DENND5A: variants seen among roughly 807,000 people sequenced by gnomAD.
DENND5A encodes the protein DENN domain-containing protein 5A.
DENND5A carries 64 observed loss-of-function variants against 140.3 expected under a neutral mutation model. That is an observed-to-expected ratio of 0.46 (90% CI 0.37 to 0.56). The LOEUF (loss-of-function observed/expected upper bound fraction) is 0.56, where lower values mean the gene tolerates loss of function less well. Ranked by LOEUF, DENND5A falls within the 20% of genes least tolerant of loss-of-function variation. The probability of loss-of-function intolerance (pLI) is 0.00; values close to 1 mark genes in which losing one functional copy is unlikely to be tolerated. For missense variants in DENND5A, 1,292 were observed against 1,593.8 expected, an observed-to-expected ratio of 0.81 and a Z score of 3.22; for synonymous variants, 605 against 607.7, an observed-to-expected ratio of 1.00 and a Z score of 0.07.
intron 1 of DENND5A, 114 bp downstream of exon 1, chr11:9,264,847 C>G: frequency 4.1e-6 from 4 of 964,036 alleles, no homozygotes; most frequent in Non-Finnish European, 6.1e-6. Flanking sequence ...CCCTGGTCCT[C>G]CCGGCCGACA....
chr11:9,170,789 TACACACACACACACACAC>T lies in DENND5A; in HGVS notation c.1907-30_1907-13del. The T allele has an allele frequency of 2.5e-6, 4 of 1,581,920 alleles. No homozygotes were observed. In the South Asian group the frequency reaches 3.3e-5, roughly 13 times the overall value. ...CTCAATTGCTTTCTCTGGATGAGAA[TACACACACACACACACAC>T]ACACACACACATAAATACACACACA... On this transcript the variant is annotated splice_polypyrimidine_tract_variant and intron_variant, in intron 8 of 22. Coordinates refer to ENST00000328194, the MANE Select transcript of DENND5A (RefSeq NM_015213.4).
chr11:9,233,297 G>T (rs546903399), intron 1 of DENND5A, among the ~76,000 whole-genome samples: 1 of 151,770 alleles, frequency 6.6e-6, no homozygotes. Flanking sequence ...TACTCAGGAG[G>T]CTGAGGCAGG....
Position 9,139,615 on chromosome 11 carries a change from G to C in DENND5A, c.*56C>G. On this transcript the variant is annotated 3_prime_UTR_variant, in exon 23 of 23. Coordinates refer to ENST00000328194, the MANE Select transcript of DENND5A (RefSeq NM_015213.4). ...TCGCTTAAGTCCCTTTGGGAAAAAA[G>C]GTCAGAGCTGCAGGGTGAGTCTTTC... 1.9e-6 allele frequency: 3 copies of C among 1,546,444 alleles called. No individual in the cohort carries two copies. Among genetic ancestry groups the C allele is most frequent in the Non-Finnish European group, 1.8e-6 (2 of 1,135,036 alleles).
At chr11:9,177,245 C>A (rs1244264469) in intron 8 of DENND5A, among the ~76,000 whole-genome samples, 4 of 146,378 alleles carry the variant, frequency 2.7e-5, no homozygotes, top group Non-Finnish European at 6.0e-5. Context: ...CTGAGTGAGA[C>A]CCTGTCTCGA....
chr11:9,180,440 A>G (rs1848690496), intron 6 of DENND5A, among the ~76,000 whole-genome samples: 1 of 152,170 alleles, frequency 6.6e-6, no homozygotes, highest in Admixed American at 6.5e-5. Flanking sequence ...GTGACAGAGT[A>G]AGAACCTCTC....
chr11:9,256,872 T>C (rs1206991950), intron 1 of DENND5A, among the ~76,000 whole-genome samples: 1 of 152,146 alleles, frequency 6.6e-6, no homozygotes, highest in African/African-American at 2.4e-5. Context: ...CTGAAATAAG[T>C]GAACTGTATG....
Position 9,139,646 on chromosome 11 carries a change from C to CCTG in DENND5A, c.*22_*24dup. 1 of 1,607,578 alleles carries CCTG rather than the reference C, an allele frequency of 6.2e-7. No homozygotes were observed. The highest frequency in any genetic ancestry group is 8.5e-7 in the Non-Finnish European group (1 of 1,176,768). ...AGCTGCAGGGTGAGTCTTTCTCAGT[C>CCTG]CTGCTGCTGGCTGGTGCTGGGAGGT... is the stretch of plus-strand genomic sequence containing the variant. On this transcript the variant is annotated 3_prime_UTR_variant, in exon 23 of 23. Transcript: ENST00000328194.
chr11:9,219,283 G>A (rs551448819), intron 1 of DENND5A, among the ~76,000 whole-genome samples: 100 of 152,164 alleles, frequency 6.6e-4, no homozygotes, highest in African/African-American at 2.1e-3. Flanking sequence ...CAGAATGCCA[G>A]GGACAATGAG....
chr11:9,237,198 C>T (rs369291646), intron 1 of DENND5A, among the ~76,000 whole-genome samples: 2 of 152,338 alleles, frequency 1.3e-5, no homozygotes, highest in African/African-American at 2.4e-5. Context: ...GGGCAGATCA[C>T]CTGAGGTCAG....
chr11:9,249,084 C>G (rs907616669), intron 1 of DENND5A, among the ~76,000 whole-genome samples: 1 of 151,850 alleles, frequency 6.6e-6, no homozygotes, highest in Admixed American at 6.6e-5. Flanking sequence ...AAAAATTAGC[C>G]GGGCGTGGTG....
chr11:9,212,210 A>AC (rs1304137001), intron 1 of DENND5A, among the ~76,000 whole-genome samples: 1 of 151,838 alleles, frequency 6.6e-6, no homozygotes, highest in East Asian at 1.9e-4. Flanking sequence ...ACACAGCAAG[A>AC]CCCCATCTCT....
rs1263032770 is a variant in DENND5A, at chr11:9,148,622, T to C, written c.2735+1459A>G. 2.0e-5 allele frequency among the ~76,000 whole-genome samples: 3 copies of C among 152,166 alleles called. No individual in the cohort carries two copies. In the East Asian group the frequency reaches 5.8e-4, roughly 29 times the overall value. On this transcript the variant is annotated intron_variant, in intron 15 of 22. Coordinates refer to ENST00000328194, the MANE Select transcript of DENND5A (RefSeq NM_015213.4). Reference sequence around the variant, plus strand: ...ATAAAGCAAAGCAAGGAGTCAAAACTGACTCCAAATTTTCAGTGTAGGTAC... The same window carrying C: ...ATAAAGCAAAGCAAGGAGTCAAAACCGACTCCAAATTTTCAGTGTAGGTAC...
intron 3 of DENND5A, among the ~76,000 whole-genome samples, chr11:9,204,689 C>G (rs569589524): frequency 2.0e-4 from 30 of 152,206 alleles, no homozygotes; most frequent in Middle Eastern, 3.4e-3. Context: ...ATGGCGAAAC[C>G]CTGTCTCTAC....
chr11:9,192,326 T>C (rs987735020), intron 5 of DENND5A, among the ~76,000 whole-genome samples: 4 of 152,086 alleles, frequency 2.6e-5, no homozygotes, highest in Non-Finnish European at 4.4e-5. Flanking sequence ...TCCTCACTTA[T>C]ATACAAAAAT....
At chr11:9,212,159 G>A (rs1029049209) in intron 1 of DENND5A, among the ~76,000 whole-genome samples, 4 of 152,080 alleles carry the variant, frequency 2.6e-5, no homozygotes, top group Non-Finnish European at 5.9e-5. Context: ...CCAAGGTTGA[G>A]AGGACTGCTT....
chr11:9,260,746 GA>G (rs2136307346), intron 1 of DENND5A, among the ~76,000 whole-genome samples: 1 of 152,314 alleles, frequency 6.6e-6, no homozygotes, highest in African/African-American at 2.4e-5. Flanking sequence ...GCAAGAAAGG[GA>G]AAGAAGTGAC....
chr11:9,180,126 T>C (rs187492793), intron 6 of DENND5A, among the ~76,000 whole-genome samples: 2 of 152,224 alleles, frequency 1.3e-5, no homozygotes, highest in South Asian at 2.1e-4. Flanking sequence ...CTATCTGCCT[T>C]AGGTTGCTGT....
intron 1 of DENND5A, among the ~76,000 whole-genome samples, chr11:9,238,329 T>C (rs1763435409): frequency 6.7e-6 from 1 of 148,182 alleles, no homozygotes; most frequent in South Asian, 2.2e-4. Flanking sequence ...AGAACTGATC[T>C]GGGTGATGAT....
At chr11:9,160,949 G>A in intron 11 of DENND5A, 84 bp from the exon 12 acceptor site, 1 of 1,351,468 alleles carries the variant, frequency 7.4e-7, no homozygotes. Flanking sequence ...AGCCTGCACA[G>A]TACATCTGTT....
Sources: allele counts gnomAD v4.1 joint callset (sites outside exome capture counted in the v4.1 genomes callset), GRCh38; gene constraint gnomAD v4.1.1; transcripts MANE v1.5; gene names NCBI Gene and HGNC (gene_info 2026-07-23, HGNC 2026-07-21).